The following GEN1 variants were observed in gnomAD, a reference collection of about 807,000 sequenced individuals.
GEN1 encodes the protein flap endonuclease GEN homolog 1.
Under a neutral mutation model 67.6 loss-of-function variants are expected in GEN1, and 64 were observed. The observed-to-expected ratio is 0.95, with a 90% CI of 0.77 to 1.17. The LOEUF is 1.17. Among genes scored for constraint, GEN1 ranks in the 50% most tolerant of loss-of-function variants. The pLI is 0.00. For synonymous variants in GEN1, 371 were observed against 359.4 expected, an observed-to-expected ratio of 1.03 and a Z score of -0.37; for missense variants, 1,058 against 1,048.3, an observed-to-expected ratio of 1.01 and a Z score of -0.13.
intron 3 of GEN1, among the ~76,000 whole-genome samples, chr2:17,763,778 T>C (rs1671792457): frequency 1.3e-5 from 2 of 152,234 alleles, no homozygotes; most frequent in Non-Finnish European, 2.9e-5. Context: ...CAAAACTGTC[T>C]CTCTAAAATC....
In GEN1 at chr2:17,760,119, C is replaced by T. The variant is rs368620605; in HGVS notation, c.161+15C>T. ...CCCCACCTCAGGTATAGTAAAAGCTCTTACAGTATAAATGTATGATGTATA... is the reference window on the plus strand; with the variant it reads ...CCCCACCTCAGGTATAGTAAAAGCTTTTACAGTATAAATGTATGATGTATA... On this transcript the variant is annotated intron_variant, in intron 2 of 13. Transcript: ENST00000381254. 2 of 1,611,622 alleles carry T rather than the reference C, an allele frequency of 1.2e-6. No homozygotes were observed. Among genetic ancestry groups the T allele is most frequent in the African/African-American group, 1.3e-5 (1 of 74,758 alleles).
chr2:17,775,177 A>G (rs372842720), intron 11 of GEN1, among the ~76,000 whole-genome samples: 29 of 152,210 alleles, frequency 1.9e-4, no homozygotes, highest in African/African-American at 6.3e-4. Flanking sequence ...ATGAAGACAT[A>G]TGTCTGTAAG....
In GEN1 at chr2:17,780,661, A is replaced by G. The variant is rs1672780071; in HGVS notation, c.1449A>G (p.Glu483=). ...AAAACAATTTGCCAGAACCAGATGAAGTAATGAGCTTTCAGTCACACATGA... is the reference window on the plus strand; with the variant it reads ...AAAACAATTTGCCAGAACCAGATGAGGTAATGAGCTTTCAGTCACACATGA... ...PKENNLPEPD[E]VMSFQSHMTL... is the part of the protein sequence containing the mutation. The change falls in exon 14 of 14, where the codon GAA becomes GAG. Residue 483 remains glutamate (E), a synonymous_variant. Coordinates refer to ENST00000381254, the MANE Select transcript of GEN1 (RefSeq NM_001130009.3). 1.2e-6 allele frequency: 2 copies of G among 1,605,198 alleles called. No individual in the cohort carries two copies. The highest frequency in any genetic ancestry group is 2.7e-5 in the African/African-American group (2 of 74,516).
At chr2:17,761,746 T>C (rs1223185304) in intron 3 of GEN1, among the ~76,000 whole-genome samples, 164 bp downstream of exon 3, 3 of 152,336 alleles carry the variant, frequency 2.0e-5, no homozygotes, top group African/African-American at 7.2e-5. Flanking sequence ...TGAGTTTCAT[T>C]CTTGGCACTG....
At chr2:17,779,956 T>C (rs765634031) in intron 12 of GEN1, 22 bp from the exon 13 acceptor site, 21 of 1,582,914 alleles carry the variant, frequency 1.3e-5, no homozygotes, top group Non-Finnish European at 1.8e-5. Context: ...AAGGACACTT[T>C]GCTGTATTTT....
At chr2:17,765,872 G>T (rs1433550265) in intron 4 of GEN1, among the ~76,000 whole-genome samples, 9 of 151,930 alleles carry the variant, frequency 5.9e-5, no homozygotes, top group Admixed American at 5.2e-4. Context: ...AAAGGAGATG[G>T]TTTTTTGGAA....
chr2:17,769,921 TAA>T (rs1345853192), intron 6 of GEN1, among the ~76,000 whole-genome samples: 1 of 152,118 alleles, frequency 6.6e-6, no homozygotes, highest in African/African-American at 2.4e-5. Context: ...AAAAAAATGT[TAA>T]GAGGTAAAAA....
upstream of GEN1, chr2:17,753,727 C>T (rs1671228985): frequency 6.6e-6 from 1 of 152,272 alleles, no homozygotes; most frequent in African/African-American, 2.4e-5. Context: ...CTCGGCTGAC[C>T]GCCGCTGGCC....
At chr2:17,772,596 G>T in intron 7 of GEN1, 38 bp from the exon 8 acceptor site, 1 of 1,554,594 alleles carries the variant, frequency 6.4e-7, no homozygotes, top group South Asian at 1.2e-5. Flanking sequence ...AATTATAAAA[G>T]GCAAAAAATA....
chr2:17,762,732 A>T (rs1444488549), intron 3 of GEN1, among the ~76,000 whole-genome samples: 1 of 152,154 alleles, frequency 6.6e-6, no homozygotes, highest in African/African-American at 2.4e-5. Context: ...CTATACATGG[A>T]AGTGTGATTA....
At chr2:17,778,255 C>CATGTGTGT (rs1558408916) in intron 12 of GEN1, among the ~76,000 whole-genome samples, 192 bp downstream of exon 12, 1 of 122,526 alleles carries the variant, frequency 8.2e-6, no homozygotes, top group Admixed American at 8.5e-5. Flanking sequence ...TATGTATACA[C>CATGTGTGT]ACATATGTGT....
At chr2:17,773,595 G>T (rs1342335653) in intron 10 of GEN1, among the ~76,000 whole-genome samples, 8 of 152,158 alleles carry the variant, frequency 5.3e-5, no homozygotes, top group African/African-American at 1.9e-4. Flanking sequence ...TTAAGATCAA[G>T]TATATAATTA....
Position 17,781,751 on chromosome 2 carries a change from A to G in GEN1, c.2539A>G (p.Ile847Val), listed in dbSNP as rs1672850389. ...CAAGTTGAGTAGCCCTAAGATACAT[A>G]TTAAAGAAACTGAACAGTGTGTCAG... ...HNKLSSPKIH[I>V]KETEQCVRSY... The change falls in exon 14 of 14, where the codon ATT (isoleucine) becomes GTT (valine). Residue 847 changes from isoleucine to valine, a missense_variant. By Grantham distance (29) the Ile-to-Val change is conservative. Transcript: ENST00000381254. 5 of 1,613,556 alleles carry G rather than the reference A, an allele frequency of 3.1e-6. No individual in the cohort carries two copies. The highest frequency in any genetic ancestry group is 4.2e-6 in the Non-Finnish European group (5 of 1,179,770).
rs1378951446 is a variant in GEN1, at chr2:17,783,968, A to G, written c.*2029A>G. On this transcript the variant is annotated 3_prime_UTR_variant, in exon 14 of 14. Transcript: ENST00000381254. Reference sequence around the variant, plus strand: ...GATTTCTTAAATATACCCAAAGCATAGGCAACAAAAGAGAATACACAAACT... The same window carrying G: ...GATTTCTTAAATATACCCAAAGCATGGGCAACAAAAGAGAATACACAAACT... The G allele has an allele frequency of 1.3e-5, 2 of 152,258 alleles. No homozygotes were observed. Among genetic ancestry groups the G allele is most frequent in the Non-Finnish European group, 2.9e-5 (2 of 68,034 alleles). The allele number at this position is 152,258 out of a possible 1,614,324, so 9.4% of individuals were successfully genotyped here.
intron 7 of GEN1, among the ~76,000 whole-genome samples, 163 bp downstream of exon 7, chr2:17,771,450 A>G (rs1161865834): frequency 6.6e-6 from 1 of 152,204 alleles, no homozygotes; most frequent in African/African-American, 2.4e-5. Flanking sequence ...TTATATACAC[A>G]TAGTAGTCAC....
chr2:17,765,590 T>C (rs1337627259), intron 4 of GEN1, among the ~76,000 whole-genome samples: 5 of 152,174 alleles, frequency 3.3e-5, no homozygotes, highest in Non-Finnish European at 7.3e-5. Flanking sequence ...AAGGAGAGTA[T>C]AGATATGTGA....
intron 3 of GEN1, among the ~76,000 whole-genome samples, chr2:17,762,858 T>C (rs1671751269): frequency 6.6e-6 from 1 of 152,240 alleles, no homozygotes; most frequent in Non-Finnish European, 1.5e-5. Context: ...CTGATTAATT[T>C]CTGCTAATGC....
At chr2:17,765,963 A>ATATG (rs996565936) in intron 4 of GEN1, among the ~76,000 whole-genome samples, 1 of 151,496 alleles carries the variant, frequency 6.6e-6, no homozygotes, top group African/African-American at 2.4e-5. Flanking sequence ...ATATATATAT[A>ATATG]TATGTTACAG....
Position 17,761,542 on chromosome 2 carries a change from A to T in GEN1, c.308A>T (p.Gln103Leu), listed in dbSNP as rs762245855. The change falls in exon 3 of 14, where the codon CAG (glutamine) becomes CTG (leucine). Residue 103 changes from glutamine to leucine, a missense_variant. By Grantham distance (113) the Gln-to-Leu change is moderately radical. Transcript: ENST00000381254. The part of the protein sequence containing the change: ...RYGSSGKSWS[Q>L]KTGRSHFKSV... ...GGGTCTTCTGGAAAATCGTGGTCTC[A>T]GAAAACAGGGAGATCACATTTTAAA... 7 of 1,612,178 alleles carry T rather than the reference A, an allele frequency of 4.3e-6. No homozygotes were observed. The highest frequency in any genetic ancestry group is 5.9e-6 in the Non-Finnish European group (7 of 1,179,422).
Sources: gnomAD v4.1 joint callset for allele counts (sites outside exome capture counted in the v4.1 genomes callset) on GRCh38, gnomAD v4.1.1 for gene constraint, MANE v1.5 for transcripts, NCBI Gene and HGNC (gene_info 2026-07-23, HGNC 2026-07-21) for gene names.